The following KMT2C variants were observed in gnomAD, a reference collection of about 807,000 sequenced individuals.
KMT2C encodes lysine methyltransferase 2C.
A neutral mutation model predicts 507.9 loss-of-function variants in KMT2C; 88 were observed. The ratio of observed to expected loss-of-function variants is 0.17; its 90% CI spans 0.15 to 0.21. The LOEUF is 0.21. KMT2C is among the 10% of genes least tolerant of loss of function. KMT2C has a pLI of 1.00. For missense variants in KMT2C, 4,954 were observed against 5,957.8 expected (o/e 0.83, Z 5.55); for synonymous variants, 2,049 against 2,080.8 (o/e 0.98, Z 0.42).
chr7:152,206,565 A>C (rs2094314143), intron 24 of KMT2C, among the ~76,000 whole-genome samples: 1 of 152,198 alleles, frequency 6.6e-6, no homozygotes, highest in Admixed American at 6.5e-5. Context: ...TAAGAAGCAT[A>C]AAGATTGTAC....
intron 2 of KMT2C, among the ~76,000 whole-genome samples, chr7:152,332,218 C>A (rs1268248873): frequency 6.6e-6 from 1 of 152,136 alleles, no homozygotes; most frequent in Non-Finnish European, 1.5e-5. Flanking sequence ...TTTCCACACA[C>A]CACTACCCCT....
At chr7:152,390,309 A>C (rs1477795565) in intron 1 of KMT2C, among the ~76,000 whole-genome samples, 4 of 152,312 alleles carry the variant, frequency 2.6e-5, no homozygotes, top group Non-Finnish European at 5.9e-5. Context: ...AAGAAAAACC[A>C]CATTTTACCT....
Position 152,148,756 on chromosome 7 carries a change from T to G in KMT2C, c.13171A>C (p.Lys4391Gln). Reference protein sequence around the residue: ...EFLKKLGTSLKPDPVPKDYRK... With the variant: ...EFLKKLGTSLQPDPVPKDYRK... The stretch of plus-strand genomic sequence containing the variant: ...TAGTCTTTGGGCACAGGATCAGGTT[T>G]AAGGGAAGTGCCCAATTTCTTTAGA... Residue 4391 changes from lysine to glutamine, a missense_variant, in exon 52 of 59, where the codon AAA becomes CAA. Lys to Gln is a moderately conservative substitution (Grantham distance 53). Around this residue, in one of 29 missense-constraint regions of KMT2C, gnomAD observed 417 missense variants for 461.1 expected, o/e 0.90. Coordinates refer to ENST00000262189, the MANE Select transcript of KMT2C (RefSeq NM_170606.3). This position sits in a 1 kb window ranked among gnomAD's most constrained non-coding sequence, Gnocchi z 7.1. 6.2e-7 allele frequency: 1 copy of G among 1,614,256 alleles called. No homozygotes were observed.
chr7:152,174,058 T>C (rs2093085930), intron 39 of KMT2C, 73 bp downstream of exon 39: 1 of 817,432 alleles, frequency 1.2e-6, no homozygotes, highest in East Asian at 2.6e-5. Flanking sequence ...TTTCTGTATG[T>C]TTTTTCTAAA....
intron 31 of KMT2C, 49 bp downstream of exon 31, chr7:152,193,960 T>C (rs375490005): frequency 2.7e-6 from 4 of 1,469,600 alleles, no homozygotes; most frequent in Non-Finnish European, 3.6e-6. Context: ...TACCCACATA[T>C]ATACACATGT....
intron 1 of KMT2C, among the ~76,000 whole-genome samples, chr7:152,400,019 T>C (rs756520652): frequency 6.6e-6 from 1 of 151,750 alleles, no homozygotes; most frequent in African/African-American, 2.4e-5. Flanking sequence ...AAAGAAAAGA[T>C]CACTAGAGGC....
intron 23 of KMT2C, among the ~76,000 whole-genome samples, chr7:152,216,132 T>TG (rs1179611359): frequency 6.6e-6 from 1 of 152,110 alleles, no homozygotes; most frequent in Non-Finnish European, 1.5e-5. Flanking sequence ...ATCCATACAC[T>TG]GTGATGGTCG....
chr7:152,387,544 C>T (rs1448160505), intron 1 of KMT2C, among the ~76,000 whole-genome samples: 2 of 148,440 alleles, frequency 1.3e-5, no homozygotes, highest in Non-Finnish European at 3.0e-5. Flanking sequence ...CATCTCGGCT[C>T]GCTGCAAGCT....
intron 52 of KMT2C, 77 bp downstream of exon 52, chr7:152,147,956 G>A (rs2129094789): frequency 7.0e-7 from 1 of 1,437,646 alleles, no homozygotes. Flanking sequence ...GACAAACATG[G>A]AAAATTGACA....
In KMT2C at chr7:152,204,636, T is replaced by C. The variant is rs4024326; in HGVS notation, c.3961+470A>G. On this transcript the variant is annotated intron_variant, in intron 25 of 58. Transcript: ENST00000262189. ...ATAGATAGATAGATAGATAGATAGA[T>C]AGACAGACAGATACATAAATAGATA... Among the ~76,000 whole-genome samples the C allele has an allele frequency of 9.6e-3, 1,229 of 127,502 alleles. 4 individuals carry two copies. The highest frequency in any genetic ancestry group is 0.022 in the African/African-American group (790 of 35,910). The allele number at this position is 127,502 out of a possible 152,430, so 83.6% of individuals were successfully genotyped here. A position where few individuals can be genotyped will look rare whatever the true frequency, so the allele number is the denominator to read the frequency against.
rs1372557850 is a variant in KMT2C at position 152,213,963 on chromosome 7, T to C, written c.3713-6535A>G. 2.0e-5 allele frequency among the ~76,000 whole-genome samples: 3 copies of C among 152,220 alleles called. No individual in the cohort carries two copies. In the East Asian group the frequency reaches 5.8e-4, roughly 29 times the overall value. ...GTCACACAAATGGTCAAATGGTATA[T>C]GAAAAGATGCTCAACATCATAATCA... is the stretch of plus-strand genomic sequence containing the variant. On this transcript the variant is annotated intron_variant, in intron 23 of 58. Transcript: ENST00000262189.
chr7:152,145,485 T>C (rs1357496377), intron 53 of KMT2C, among the ~76,000 whole-genome samples, 190 bp from the exon 54 acceptor site: 1 of 152,194 alleles, frequency 6.6e-6, no homozygotes, highest in Non-Finnish European at 1.5e-5. Context: ...GTATGCAAAT[T>C]CAGTTTCAAA....
intron 44 of KMT2C, chr7:152,158,028 A>G: frequency 1.4e-6 from 1 of 724,044 alleles, no homozygotes; most frequent in Non-Finnish European, 1.9e-6. Flanking sequence ...GGCTTCAGAA[A>G]AATGAGACTT....
intron 9 of KMT2C, among the ~76,000 whole-genome samples, chr7:152,254,345 A>C (rs2095610798): frequency 6.6e-6 from 1 of 152,198 alleles, no homozygotes; most frequent in Admixed American, 6.5e-5. Flanking sequence ...AATACTATCA[A>C]ACAGACTCTA....
intron 25 of KMT2C, among the ~76,000 whole-genome samples, chr7:152,204,591 C>CTAGATAGATAGATAGA (rs57456614): frequency 2.0e-4 from 28 of 143,494 alleles, no homozygotes; most frequent in African/African-American, 4.2e-4. Context: ...AGTGAGACCC[C>CTAGATAGATAGATAGA]TAGATAGATA....
intron 47 of KMT2C, 37 bp downstream of exon 47, chr7:152,154,230 T>C (rs771236507): frequency 2.9e-5 from 47 of 1,612,218 alleles, no homozygotes; most frequent in Non-Finnish European, 3.6e-5. Flanking sequence ...ATTGGCGTAG[T>C]GTAAAGGGAA....
intron 2 of KMT2C, among the ~76,000 whole-genome samples, chr7:152,347,119 A>C (rs543337309): frequency 6.6e-6 from 1 of 152,290 alleles, no homozygotes; most frequent in African/African-American, 2.4e-5. Flanking sequence ...GAAAAGGAAA[A>C]GGAAAGAAAA....
rs192075295 is a variant in KMT2C, at chr7:152,234,570, T to C, written c.2769+1247A>G. Among the ~76,000 whole-genome samples, 505 of 152,280 alleles carry C rather than the reference T, an allele frequency of 3.3e-3. 4 individuals are homozygous for C. The highest frequency in any genetic ancestry group is 0.012 in the African/African-American group (491 of 41,560). ...GATTCATTCTATGAAGCTGTAGTTA[T>C]GCTGATACCAAAACCAGACGAAGAC... On this transcript the variant is annotated intron_variant, in intron 16 of 58. Coordinates refer to ENST00000262189, the MANE Select transcript of KMT2C (RefSeq NM_170606.3).
At chr7:152,203,932 C>T (rs768313157) in intron 25 of KMT2C, among the ~76,000 whole-genome samples, 23 of 152,020 alleles carry the variant, frequency 1.5e-4, no homozygotes, top group Admixed American at 7.9e-4. Flanking sequence ...AAAAGCTCTC[C>T]GAAATTTGCT....
Sources: allele counts gnomAD v4.1 joint callset (sites outside exome capture counted in the v4.1 genomes callset), GRCh38; gene constraint gnomAD v4.1.1; regional missense constraint gnomAD v4.1.1; non-coding constraint Gnocchi (gnomAD v3.1); transcripts MANE v1.5; gene names NCBI Gene and HGNC (gene_info 2026-07-23, HGNC 2026-07-21).